The following NIPSNAP3B variants were observed in gnomAD, a reference collection of about 807,000 sequenced individuals.
The protein encoded by NIPSNAP3B is nipsnap homolog 3B.
Under a neutral mutation model 31.5 loss-of-function variants are expected in NIPSNAP3B, and 30 were observed. That is an observed-to-expected ratio of 0.95 (90% CI 0.71 to 1.29). The LOEUF (loss-of-function observed/expected upper bound fraction) is 1.29, where lower values mean the gene tolerates loss of function less well. Among genes scored for constraint, NIPSNAP3B ranks in the 50% most tolerant of loss-of-function variants. The pLI is 0.00. For missense variants in NIPSNAP3B, 269 were observed against 300.7 expected, an observed-to-expected ratio of 0.89 and a Z score of 0.78; for synonymous variants, 106 against 107.9, an observed-to-expected ratio of 0.98 and a Z score of 0.11.
At chr9:104,787,882 G>C in the NIPSNAP3B span, 1 of 1,613,828 alleles carries the variant, frequency 6.2e-7, no homozygotes, top group Non-Finnish European at 8.5e-7. Flanking sequence ...TTTCCACTCA[G>C]GCCAGAACAA....
At chr9:104,787,848 T>TA in the NIPSNAP3B span, 1 of 1,613,630 alleles carries the variant, frequency 6.2e-7, no homozygotes, top group Non-Finnish European at 8.5e-7. Context: ...GCCCTGGACA[T>TA]ATAGGACTTT....
intron 2 of NIPSNAP3B, among the ~76,000 whole-genome samples, chr9:104,766,824 T>C (rs35350211): frequency 0.076 from 11,631 of 152,134 alleles, 496 homozygotes; most frequent in South Asian, 0.16. Context: ...GTTAGAATCG[T>C]TTGCTATAAA....
chr9:104,767,652 G>C (rs1041811089), intron 2 of NIPSNAP3B, among the ~76,000 whole-genome samples: 1 of 151,972 alleles, frequency 6.6e-6, no homozygotes, highest in African/African-American at 2.4e-5. Context: ...TGAAAAAACT[G>C]CTAATAAAGT....
In NIPSNAP3B at chr9:104,775,965, G is replaced by A. The variant is rs1828327107; in HGVS notation, c.*2892G>A. Among the ~76,000 whole-genome samples, 3 of 152,162 alleles carry A rather than the reference G, an allele frequency of 2.0e-5. No individual in the cohort carries two copies. The South Asian group carries it at 6.2e-4, about 32-fold the overall frequency. ...TTTTTGGGAAGTGGTCTTAACTGGT[G>A]TGCTGCCCTTCCCCTCTGCTCTCAA... On this transcript the variant is annotated 3_prime_UTR_variant, in exon 6 of 6. Coordinates refer to ENST00000374762, the MANE Select transcript of NIPSNAP3B (RefSeq NM_018376.4).
the NIPSNAP3B span, among the ~76,000 whole-genome samples, chr9:104,786,144 T>C: frequency 1.3e-5 from 2 of 152,204 alleles, no homozygotes; most frequent in Non-Finnish European, 2.9e-5. Context: ...AGAATTTGAA[T>C]GCAGTTCGGA....
intron 1 of NIPSNAP3B, 114 bp from the exon 2 acceptor site, chr9:104,766,206 AAAAGT>A (rs1725860964): frequency 1.4e-6 from 1 of 738,370 alleles, no homozygotes; most frequent in African/African-American, 1.8e-5. Flanking sequence ...AATTGACAAC[AAAAGT>A]AAACAATGGA....
chr9:104,784,161 C>CATTGA, the NIPSNAP3B span: 5 of 950,232 alleles, frequency 5.3e-6, no homozygotes, highest in Non-Finnish European at 8.0e-6. Flanking sequence ...GTTTTCATTG[C>CATTGA]ATTGAATTGC....
In NIPSNAP3B at chr9:104,764,133, C is replaced by A. The variant is rs1246204360; in HGVS notation, c.-108C>A. 4 of 1,048,136 alleles carry A rather than the reference C, an allele frequency of 3.8e-6. No homozygotes were observed. In the African/African-American group the frequency reaches 4.9e-5, roughly 13 times the overall value. 64.9% of individuals were successfully genotyped at this position (1,048,136 alleles called of 1,614,324 possible). A position where few individuals can be genotyped will look rare whatever the true frequency, so the allele number is the denominator to read the frequency against. On this transcript the variant is annotated 5_prime_UTR_variant, in exon 1 of 6. Transcript: ENST00000374762. Reference sequence around the variant, plus strand: ...CTGACCCCGCCGAGTCCCGCCCCTGCCTGAGTTCGCCAGTGGTCCAGGAGC... The same window carrying A: ...CTGACCCCGCCGAGTCCCGCCCCTGACTGAGTTCGCCAGTGGTCCAGGAGC...
chr9:104,778,674 C>A (rs751281345), downstream of NIPSNAP3B, among the ~76,000 whole-genome samples: 2 of 152,192 alleles, frequency 1.3e-5, no homozygotes, highest in Non-Finnish European at 2.9e-5. Flanking sequence ...CCCTTACATG[C>A]AGTCTGTCAG....
At chr9:104,771,875 A>G (rs1472703050) in intron 4 of NIPSNAP3B, among the ~76,000 whole-genome samples, 1 of 151,872 alleles carries the variant, frequency 6.6e-6, no homozygotes, top group Non-Finnish European at 1.5e-5. Context: ...TTTTTTCACA[A>G]CCTCACCAGC....
At chr9:104,764,361 T>C (rs1828045445) in intron 1 of NIPSNAP3B, 61 bp downstream of exon 1, 2 of 1,404,962 alleles carry the variant, frequency 1.4e-6, no homozygotes, top group Middle Eastern at 2.5e-4. Flanking sequence ...GCGGGGGGTA[T>C]TTCTGAAGCG....
the NIPSNAP3B span, among the ~76,000 whole-genome samples, chr9:104,785,197 C>A: frequency 3.3e-5 from 5 of 152,130 alleles, no homozygotes; most frequent in African/African-American, 1.2e-4. Flanking sequence ...TAAATTCTCA[C>A]AATAATCCTA....
chr9:104,778,315 C>T (rs1156334366), downstream of NIPSNAP3B, among the ~76,000 whole-genome samples: 2 of 152,088 alleles, frequency 1.3e-5, no homozygotes, highest in Non-Finnish European at 2.9e-5. Context: ...ACTGAAACCT[C>T]CGCCTCCCAG....
At chr9:104,769,103 G>T in intron 3 of NIPSNAP3B, 82 bp downstream of exon 3, 2 of 975,084 alleles carry the variant, frequency 2.1e-6, no homozygotes, top group Non-Finnish European at 2.9e-6. Flanking sequence ...AGTTCTATAG[G>T]AAAAAAATAT....
chr9:104,777,628 A>G lies in NIPSNAP3B; in HGVS notation c.*4555A>G, dbSNP rs1828364306. ...TCATGAACCACCCAGAGTGTGTACA[A>G]GGCTCCTGCCAGAAGAAATGCCTGT... is the stretch of plus-strand genomic sequence containing the variant. On this transcript the variant is annotated 3_prime_UTR_variant, in exon 6 of 6. Transcript: ENST00000374762. Among the ~76,000 whole-genome samples the G allele has an allele frequency of 6.6e-6, 1 of 152,238 alleles. No homozygotes were observed. The highest frequency in any genetic ancestry group is 6.5e-5 in the Admixed American group (1 of 15,286).
intron 4 of NIPSNAP3B, among the ~76,000 whole-genome samples, chr9:104,772,208 G>GTTTTTTTTTTTTTTT (rs56851362): frequency 7.3e-6 from 1 of 136,730 alleles, no homozygotes. Flanking sequence ...TTTTTTTTTT[G>GTTTTTTTTTTTTTTT]TTTTTTTTTT....
At chr9:104,772,047 T>C (rs1828232563) in intron 4 of NIPSNAP3B, among the ~76,000 whole-genome samples, 1 of 152,194 alleles carries the variant, frequency 6.6e-6, no homozygotes, top group African/African-American at 2.4e-5. Context: ...TGACTATTCA[T>C]GCCCTTTACC....
At chr9:104,771,029 C>T in intron 4 of NIPSNAP3B, 31 bp downstream of exon 4, 1 of 1,606,220 alleles carries the variant, frequency 6.2e-7, no homozygotes, top group East Asian at 2.2e-5. Context: ...TATGAAGTTG[C>T]CATGTGTATT....
At position 104,766,431 on chromosome 9, in the gene NIPSNAP3B, T is replaced by C; in HGVS notation, c.167T>C (p.Leu56Pro). ...AATATGAATGCGTTCATGGAAAATC[T>C]TAAGAAAAACATTCATCTTCGGACC... ...PSNMNAFMEN[L>P]KKNIHLRTSY... The change falls in exon 2 of 6, where the codon CTT (leucine) becomes CCT (proline). Residue 56 changes from leucine (L) to proline (P), a missense_variant. Coordinates refer to ENST00000374762, the MANE Select transcript of NIPSNAP3B (RefSeq NM_018376.4). 4 of 1,613,892 alleles carry C rather than the reference T, an allele frequency of 2.5e-6. No homozygotes were observed. Among genetic ancestry groups the C allele is most frequent in the Non-Finnish European group, 3.4e-6 (4 of 1,179,804 alleles).
Sources: gnomAD v4.1 joint callset for allele counts (sites outside exome capture counted in the v4.1 genomes callset) on GRCh38, gnomAD v4.1.1 for gene constraint, MANE v1.5 for transcripts, NCBI Gene and HGNC (gene_info 2026-07-23, HGNC 2026-07-21) for gene names.